MRE11: variants seen among roughly 807,000 people sequenced by gnomAD.
The protein encoded by MRE11 is MRE11 double strand break repair nuclease, also known as double-strand break repair protein MRE11.
In MRE11, 62 loss-of-function variants were observed where a neutral mutation model predicts 91.7. That is an observed-to-expected ratio of 0.68 (90% CI 0.55 to 0.84). The LOEUF is 0.84. MRE11 is among the 40% of genes least tolerant of loss of function. The pLI is 0.00. For missense variants in MRE11, 796 were observed against 852.9 expected, an observed-to-expected ratio of 0.93 and a Z score of 0.83; for synonymous variants, 273 against 271.4, an observed-to-expected ratio of 1.01 and a Z score of -0.06.
intron 10 of MRE11, among the ~76,000 whole-genome samples, chr11:94,466,172 T>G (rs1380082432): frequency 6.6e-6 from 1 of 152,136 alleles, no homozygotes; most frequent in African/African-American, 2.4e-5. Context: ...GGACGGCAGC[T>G]TTTTTGGTTT....
chr11:94,490,959 ATCATCACTATAT>A lies in MRE11; in HGVS notation c.21-6_26del, dbSNP rs587780138. The stretch of plus-strand genomic sequence containing the variant: ...CAACTAATATTTTAAATGTGTTTTC[ATCATCACTATAT>A]TAAGAAAGAAGAAACATTTCAATAT... On this transcript the variant is annotated splice_acceptor_variant and splice_polypyrimidine_tract_variant and coding_sequence_variant and intron_variant, in exon 3 of 20. Transcript: ENST00000323929. LOFTEE classifies it high-confidence loss of function. The A allele has an allele frequency of 2.6e-5, 37 of 1,445,506 alleles. No homozygotes were observed. The highest frequency in any genetic ancestry group is 3.5e-5 in the Non-Finnish European group (36 of 1,029,572). The allele number at this position is 1,445,506 out of a possible 1,614,324, so 89.5% of individuals were successfully genotyped here.
Position 94,429,939 on chromosome 11 carries a change from G to C in MRE11, c.2042C>G (p.Ser681Trp), listed in dbSNP as rs587782166. 6.2e-7 allele frequency: 1 copy of C among 1,613,676 alleles called. No homozygotes were observed. The highest frequency in any genetic ancestry group is 1.7e-5 in the Admixed American group (1 of 60,002). The change falls in exon 19 of 20, where the codon TCG (serine) becomes TGG (tryptophan). Residue 681 changes from serine (S) to tryptophan (W), a missense_variant. Transcript: ENST00000323929. ...ACTTGATTCAAAATCAACCCCTTTC[G>C]ATACTTGACTCTGGGACATGATTTT... ...SSKIMSQSQV[S>W]KGVDFESSED...
the MRE11 span, among the ~76,000 whole-genome samples, chr11:94,508,924 G>A: frequency 1.3e-5 from 2 of 152,000 alleles, no homozygotes; most frequent in Admixed American, 1.3e-4. Flanking sequence ...ACCACACCCA[G>A]TTAATTTTTG....
rs1565193792 is a variant in MRE11, at chr11:94,417,429, A to T, written c.*2696T>A. On this transcript the variant is annotated 3_prime_UTR_variant, in exon 20 of 20. Coordinates refer to ENST00000323929, the MANE Select transcript of MRE11 (RefSeq NM_005591.4). ...TGAACCAAATGAAATACCTAAGTAA[A>T]GCAAATTACATGATTAGAAGGCTAA... 8.6e-6 allele frequency: 2 copies of T among 232,738 alleles called. No homozygotes were observed. Among genetic ancestry groups the T allele is most frequent in the Middle Eastern group, 1.3e-3 (1 of 786 alleles). The allele number at this position is 232,738 out of a possible 1,614,324, so 14.4% of individuals were successfully genotyped here.
chr11:94,455,034 G>A (rs1946211537), intron 14 of MRE11, among the ~76,000 whole-genome samples: 1 of 152,212 alleles, frequency 6.6e-6, no homozygotes, highest in Admixed American at 6.5e-5. Flanking sequence ...AGATACAGTG[G>A]TTGCAACTAT....
At chr11:94,464,888 G>A (rs982056938) in intron 10 of MRE11, among the ~76,000 whole-genome samples, 71 of 152,092 alleles carry the variant, frequency 4.7e-4, no homozygotes, top group Admixed American at 1.3e-4. Flanking sequence ...CCCAAAGTAC[G>A]CTATGGGGAC....
At chr11:94,437,038 G>A in intron 17 of MRE11, 139 bp downstream of exon 17, 1 of 691,210 alleles carries the variant, frequency 1.4e-6, no homozygotes, top group Non-Finnish European at 2.4e-6. Flanking sequence ...AAGCCCTAGA[G>A]ATAATTGGTA....
At chr11:94,468,524 C>T (rs1397788372) in intron 9 of MRE11, among the ~76,000 whole-genome samples, 1 of 152,170 alleles carries the variant, frequency 6.6e-6, no homozygotes, top group Non-Finnish European at 1.5e-5. Context: ...AACTTCATAG[C>T]TGAACAATTC....
At chr11:94,472,479 T>C (rs2135051826) in intron 7 of MRE11, among the ~76,000 whole-genome samples, 1 of 152,232 alleles carries the variant, frequency 6.6e-6, no homozygotes. Flanking sequence ...CCAAACACTG[T>C]CTACTTTATG....
upstream of MRE11, among the ~76,000 whole-genome samples, chr11:94,495,448 C>G: frequency 6.6e-6 from 1 of 151,858 alleles, no homozygotes; most frequent in South Asian, 2.1e-4. Flanking sequence ...TGAAATGTAG[C>G]ACCAAAAAAA....
At chr11:94,460,884 ATC>A in intron 12 of MRE11, 50 bp downstream of exon 12, 2 of 1,407,446 alleles carry the variant, frequency 1.4e-6, no homozygotes, top group Non-Finnish European at 2.0e-6. Context: ...CTAAATTAAA[ATC>A]TGTTACTATA....
In MRE11 at chr11:94,459,584, G is replaced by A. The variant is rs1430998403; in HGVS notation, c.1327-3C>T. On this transcript the variant is annotated splice_region_variant and splice_polypyrimidine_tract_variant and intron_variant, in intron 12 of 19. Transcript: ENST00000323929. ...GTTAGCAGTGAGAGCTGCACATTCTGTAAGATACAAATCACTGGATGCAGA... is the reference window on the plus strand; with the variant it reads ...GTTAGCAGTGAGAGCTGCACATTCTATAAGATACAAATCACTGGATGCAGA... The A allele has an allele frequency of 6.2e-7, 1 of 1,613,502 alleles. No homozygotes were observed. The highest frequency in any genetic ancestry group is 1.1e-5 in the South Asian group (1 of 91,068).
In MRE11 at chr11:94,471,738, G is replaced by C. The variant is rs1490100562; in HGVS notation, c.681C>G (p.Asn227Lys). The C allele has an allele frequency of 6.2e-6, 10 of 1,611,746 alleles. No homozygotes were observed. In the East Asian group the frequency reaches 2.0e-4, roughly 32 times the overall value. Residue 227 changes from asparagine to lysine, a missense_variant, in exon 8 of 20, where the codon AAC becomes AAG. Coordinates refer to ENST00000323929, the MANE Select transcript of MRE11 (RefSeq NM_005591.4). The stretch of plus-strand genomic sequence containing the variant: ...CATCCAAAAATTGTTCTGGAATGAA[G>C]TTAGTACTTCCATGTTTACTCCTGT... ...HQNRSKHGSTNFIPEQFLDDF... is the reference protein window; with the variant it reads ...HQNRSKHGSTKFIPEQFLDDF...
At chr11:94,459,610 AAT>A in intron 12 of MRE11, 29 bp from the exon 13 acceptor site, 3 of 1,607,406 alleles carry the variant, frequency 1.9e-6, no homozygotes, top group Non-Finnish European at 2.6e-6. Flanking sequence ...TGGATGCAGA[AAT>A]AGTTTTTATT....
chr11:94,450,997 T>C (rs941805175), intron 14 of MRE11, among the ~76,000 whole-genome samples: 2 of 151,590 alleles, frequency 1.3e-5, no homozygotes, highest in African/African-American at 2.4e-5. Context: ...GAGGCTCACA[T>C]CTCTAATACT....
chr11:94,505,944 G>A, the MRE11 span, among the ~76,000 whole-genome samples: 1 of 152,170 alleles, frequency 6.6e-6, no homozygotes, highest in African/African-American at 2.4e-5. Context: ...TGTTCTACAG[G>A]TTTGTAGCCT....
rs114226305 is a variant in MRE11 at position 94,444,129 on chromosome 11, G to C, written c.1867+1681C>G. On this transcript the variant is annotated intron_variant, in intron 16 of 19. Transcript: ENST00000323929. ...TCACCTTGTTGCCCAGACTGGTTTC[G>C]ATCTCCTGAGCTCAGGCAATCCGCC... is the stretch of plus-strand genomic sequence containing the variant. 7.7e-3 allele frequency among the ~76,000 whole-genome samples: 1,176 copies of C among 151,872 alleles called. 27 individuals carry two copies. Among genetic ancestry groups the C allele is most frequent in the African/African-American group, 0.027 (1,120 of 41,382 alleles).
chr11:94,491,293 A>C (rs945068325), intron 2 of MRE11, among the ~76,000 whole-genome samples: 35 of 152,188 alleles, frequency 2.3e-4, no homozygotes, highest in African/African-American at 8.4e-4. Flanking sequence ...CAGATAAATA[A>C]ACTTGTTATT....
chr11:94,465,789 A>C (rs1946545735), intron 10 of MRE11, among the ~76,000 whole-genome samples: 1 of 152,200 alleles, frequency 6.6e-6, no homozygotes, highest in African/African-American at 2.4e-5. Context: ...CTCATTTATA[A>C]ATGTTTGGTC....
Sources: gnomAD v4.1 joint callset for allele counts (sites outside exome capture counted in the v4.1 genomes callset) on GRCh38, gnomAD v4.1.1 for gene constraint, MANE v1.5 for transcripts, NCBI Gene and HGNC (gene_info 2026-07-23, HGNC 2026-07-21) for gene names.